Variants in NEK10 observed in about 807,000 individuals in gnomAD.
NEK10 encodes serine/threonine-protein kinase Nek10.
A neutral mutation model predicts 159.8 loss-of-function variants in NEK10; 122 were observed. The ratio of observed to expected loss-of-function variants is 0.76; its 90% confidence interval spans 0.66 to 0.89. The LOEUF is 0.89. NEK10 is among the 40% of genes least tolerant of loss of function. NEK10 has a pLI of 0.00. For missense variants in NEK10, 1,342 were observed against 1,323.1 expected, an observed-to-expected ratio of 1.01 and a Z score of -0.22; for synonymous variants, 466 against 457.1, an observed-to-expected ratio of 1.02 and a Z score of -0.25.
chr3:27,134,959 G>A (rs557855232), intron 31 of NEK10, among the ~76,000 whole-genome samples: 7 of 151,952 alleles, frequency 4.6e-5, no homozygotes, highest in Non-Finnish European at 8.8e-5. Context: ...TTTTCTCCAC[G>A]ACAAACTTAT....
intron 31 of NEK10, among the ~76,000 whole-genome samples, chr3:27,137,112 A>T (rs1335318182): frequency 6.6e-6 from 1 of 152,192 alleles, no homozygotes; most frequent in Non-Finnish European, 1.5e-5. Context: ...TAGCACTATA[A>T]GTTAAAGTTC....
At chr3:27,165,738 T>TA (rs1946414252) in intron 29 of NEK10, among the ~76,000 whole-genome samples, 1 of 152,198 alleles carries the variant, frequency 6.6e-6, no homozygotes, top group South Asian at 2.1e-4. Flanking sequence ...AGTGTTAGCC[T>TA]ACAATTTCCA....
At position 27,236,617 on chromosome 3, in the gene NEK10, G is replaced by A. The variant is rs78814319; in HGVS notation, c.2090+19679C>T. 9.2e-5 allele frequency among the ~76,000 whole-genome samples: 14 copies of A among 152,234 alleles called. 1 individual carries two copies. In the South Asian group the frequency reaches 2.9e-3, roughly 32 times the overall value. On this transcript the variant is annotated intron_variant, in intron 23 of 35. Coordinates refer to ENST00000691995, the MANE Select transcript of NEK10 (RefSeq NM_001394966.1). ...GGTGACATCACATATCGGTAAGTCC[G>A]TGATGTCCCACCTGAGCCGCAAAAC...
rs542294417 is a variant in NEK10 at position 27,200,608 on chromosome 3, G to C, written c.2291+902C>G. Reference sequence around the variant, plus strand: ...TAAAAGCTACAAATTAACTGACTAAGTCCCTGCTCTTGAGTTTCCATTTTG... The same window carrying C: ...TAAAAGCTACAAATTAACTGACTAACTCCCTGCTCTTGAGTTTCCATTTTG... On this transcript the variant is annotated intron_variant, in intron 25 of 35. Coordinates refer to ENST00000691995, the MANE Select transcript of NEK10 (RefSeq NM_001394966.1). Among the ~76,000 whole-genome samples the C allele has an allele frequency of 3.3e-5, 5 of 152,324 alleles. No individual in the cohort carries two copies. In the East Asian group the frequency reaches 9.6e-4, roughly 29 times the overall value.
intron 1 of NEK10, among the ~76,000 whole-genome samples, chr3:27,355,345 C>T (rs1298358347): frequency 6.6e-6 from 1 of 152,086 alleles, no homozygotes; most frequent in Non-Finnish European, 1.5e-5. Context: ...TAACCCCATT[C>T]TGACCTCCTA....
intron 11 of NEK10, among the ~76,000 whole-genome samples, chr3:27,306,457 G>C (rs769251227): frequency 6.6e-6 from 1 of 151,958 alleles, no homozygotes; most frequent in Non-Finnish European, 1.5e-5. Context: ...TTACCTTCAC[G>C]AACTTTCCCA....
Position 27,346,146 on chromosome 3 carries a change from C to G in NEK10, c.203G>C (p.Gly68Ala). 1 of 1,613,712 alleles carries G rather than the reference C, an allele frequency of 6.2e-7. No individual in the cohort carries two copies. The highest frequency in any genetic ancestry group is 8.5e-7 in the Non-Finnish European group (1 of 1,179,668). The change falls in exon 4 of 36, where the codon GGA (glycine) becomes GCA (alanine). Residue 68 changes from glycine (G) to alanine (A), a missense_variant. Transcript: ENST00000691995. ...TKSEPAIRAG[G>A]HRARGQWHES... ...ATGCCACTGACCCCGAGCTCTGTGT[C>G]CACCCGCCCTGATGGCGGGCTCAGA...
intron 28 of NEK10, among the ~76,000 whole-genome samples, chr3:27,172,707 G>C (rs1214920324): frequency 6.6e-6 from 1 of 152,032 alleles, no homozygotes; most frequent in Non-Finnish European, 1.5e-5. Context: ...CACATTCTAT[G>C]CATATATCAA....
At chr3:27,181,258 T>C (rs1408177722) in intron 26 of NEK10, among the ~76,000 whole-genome samples, 1 of 152,060 alleles carries the variant, frequency 6.6e-6, no homozygotes, top group Non-Finnish European at 1.5e-5. Context: ...ACATAAACAA[T>C]TAATACATAC....
chr3:27,304,767 C>T lies in NEK10; in HGVS notation c.1008G>A (p.Gln336=). The T allele has an allele frequency of 1.9e-6, 3 of 1,612,772 alleles. No individual in the cohort carries two copies. Among genetic ancestry groups the T allele is most frequent in the Non-Finnish European group, 2.5e-6 (3 of 1,178,804 alleles). The change falls in exon 12 of 36, where the codon CAG becomes CAA. Residue 336 remains glutamine, a synonymous_variant. Coordinates refer to ENST00000691995, the MANE Select transcript of NEK10 (RefSeq NM_001394966.1). ...VEIRIWGGIK[Q]LLHILQGDRN... is the part of the protein sequence containing the mutation. ...CTCACCCTTGTAAAATATGAAGAAG[C>T]TGTTTGATGCCTCCCCAAATGCGAA...
At chr3:27,279,935 C>T (rs368715888) in intron 22 of NEK10, among the ~76,000 whole-genome samples, 101 of 151,938 alleles carry the variant, frequency 6.6e-4, no homozygotes, top group African/African-American at 2.1e-3. Context: ...TTTGGGAGGC[C>T]GAGGCGGGCG....
At chr3:27,200,756 G>C (rs1385726970) in intron 25 of NEK10, among the ~76,000 whole-genome samples, 1 of 152,164 alleles carries the variant, frequency 6.6e-6, no homozygotes, top group East Asian at 1.9e-4. Flanking sequence ...GAGGTAGTGG[G>C]GCCATCAGGG....
chr3:27,125,415 G>A (rs1360834578), intron 32 of NEK10, among the ~76,000 whole-genome samples: 2 of 152,054 alleles, frequency 1.3e-5, no homozygotes, highest in African/African-American at 2.4e-5. Flanking sequence ...AAAATGAGGT[G>A]CCAGAAGTGA....
chr3:27,127,025 CA>C (rs1373212293), intron 32 of NEK10, among the ~76,000 whole-genome samples: 1 of 149,564 alleles, frequency 6.7e-6, no homozygotes, highest in Non-Finnish European at 1.5e-5. Context: ...AACAAACAAA[CA>C]AAAAACCCAT....
intron 23 of NEK10, among the ~76,000 whole-genome samples, chr3:27,210,478 C>G (rs563483926): frequency 6.6e-6 from 1 of 152,258 alleles, no homozygotes; most frequent in Non-Finnish European, 1.5e-5. Flanking sequence ...TAAGTTTCAA[C>G]CTAAGTTTTG....
intron 12 of NEK10, 112 bp from the exon 13 acceptor site, chr3:27,301,947 T>C: frequency 1.3e-6 from 1 of 791,106 alleles, no homozygotes; most frequent in Non-Finnish European, 2.0e-6. Context: ...AAGGCATCAT[T>C]ATTGTTTCAC....
At chr3:27,306,407 C>G (rs2044248857) in intron 11 of NEK10, among the ~76,000 whole-genome samples, 2 of 152,138 alleles carry the variant, frequency 1.3e-5, no homozygotes, top group Non-Finnish European at 2.9e-5. Context: ...ATTTTGTGCT[C>G]TGACATTAAT....
chr3:27,318,804 C>G (rs1333277701), intron 6 of NEK10, among the ~76,000 whole-genome samples: 3 of 152,034 alleles, frequency 2.0e-5, no homozygotes, highest in Non-Finnish European at 2.9e-5. Context: ...TCTCTGGAAA[C>G]TTGGGACTTA....
intron 7 of NEK10, 102 bp downstream of exon 7, chr3:27,314,195 A>G (rs1289349362): frequency 3.8e-6 from 3 of 792,366 alleles, no homozygotes; most frequent in East Asian, 5.3e-5. Flanking sequence ...GGCAGACAGC[A>G]TAACATAGGA....
Sources: allele counts gnomAD v4.1 joint callset (sites outside exome capture counted in the v4.1 genomes callset), GRCh38; gene constraint gnomAD v4.1.1; transcripts MANE v1.5; gene names NCBI Gene and HGNC (gene_info 2026-07-23, HGNC 2026-07-21).